Variants in CYP11A1 observed in about 807,000 individuals in gnomAD.
The protein encoded by CYP11A1 is cytochrome P450 family 11 subfamily A member 1, also known as cholesterol side-chain cleavage enzyme, mitochondrial.
Under a neutral mutation model 51.9 loss-of-function variants are expected in CYP11A1, and 25 were observed. That is an observed-to-expected ratio of 0.48 (90% CI 0.35 to 0.67). The LOEUF (loss-of-function observed/expected upper bound fraction) is 0.67, where lower values mean the gene tolerates loss of function less well. Among genes scored for constraint, CYP11A1 ranks in the 30% least tolerant of loss-of-function variants. The pLI, the probability that CYP11A1 is intolerant of heterozygous loss-of-function variation, is 0.00. For synonymous variants in CYP11A1, 245 were observed against 262.1 expected (o/e 0.93, Z 0.63); for missense variants, 578 against 680.9 (o/e 0.85, Z 1.68).
intron 1 of CYP11A1, chr15:74,354,325 C>T (rs986574997): frequency 6.6e-6 from 1 of 152,198 alleles, no homozygotes; most frequent in African/African-American, 2.4e-5. Context: ...AGCTCCCCCA[C>T]TGAGCACCTT....
intron 1 of CYP11A1, among the ~76,000 whole-genome samples, chr15:74,353,180 A>G (rs935208606): frequency 6.6e-6 from 1 of 152,238 alleles, no homozygotes; most frequent in Non-Finnish European, 1.5e-5. Flanking sequence ...AAGTTATCTA[A>G]AAGTTAGTTC....
chr15:74,339,589 T>G lies in CYP11A1; in HGVS notation c.1155A>C (p.Leu385=). Reference sequence around the variant, plus strand: ...GGCATGGGTGGTTGTGGGCTTGCCTTAGTGTCTCCTTGATGCTGGCTTTGA... The same window carrying G: ...GGCATGGGTGGTTGTGGGCTTGCCTGAGTGTCTCCTTGATGCTGGCTTTGA... ...PLLKASIKET[L]RLHPISVTLQ... Residue 385 remains leucine, a splice_region_variant and synonymous_variant, in exon 6 of 9, where the codon CTA becomes CTC. Coordinates refer to ENST00000268053, the MANE Select transcript of CYP11A1 (RefSeq NM_000781.3). The G allele has an allele frequency of 6.2e-7, 1 of 1,613,902 alleles. No homozygotes were observed.
chr15:74,359,279 C>G (rs2060695987), intron 1 of CYP11A1, among the ~76,000 whole-genome samples: 1 of 152,146 alleles, frequency 6.6e-6, no homozygotes. Context: ...TGAAGCAGCC[C>G]TGAGAAACAT....
chr15:74,362,239 T>G lies in CYP11A1; in HGVS notation c.269+5078A>C, dbSNP rs2060712122. The G allele has an allele frequency of 3.1e-5, 12 of 383,142 alleles. No homozygotes were observed. In the South Asian group the frequency reaches 5.0e-4, roughly 16 times the overall value. The allele number at this position is 383,142 out of a possible 1,614,324, so 23.7% of individuals were successfully genotyped here. On this transcript the variant is annotated intron_variant, in intron 1 of 8. Coordinates refer to ENST00000268053, the MANE Select transcript of CYP11A1 (RefSeq NM_000781.3). ...ATAAAAACTAAATAACAACAAAAAATTGTTTATAACCAATGCTTGATCCCA... is the reference window on the plus strand; with the variant it reads ...ATAAAAACTAAATAACAACAAAAAAGTGTTTATAACCAATGCTTGATCCCA...
rs201855407 is a variant in CYP11A1, at chr15:74,338,009, G to A, written c.1529C>T (p.Thr510Ile). ...ILMPEKPISFTFWPFNQEATQ... is the reference protein window; with the variant it reads ...ILMPEKPISFIFWPFNQEATQ... ...TGCTTCCTGGTTAAAGGGCCAGAAG[G>A]TGAAGGAGATGGGCTTTTCAGGCAT... Residue 510 changes from threonine (T) to isoleucine (I), a missense_variant, in exon 9 of 9, where the codon ACC becomes ATC. Transcript: ENST00000268053. The A allele has an allele frequency of 8.1e-6, 13 of 1,614,216 alleles. No individual in the cohort carries two copies. The highest frequency in any genetic ancestry group is 1.0e-5 in the Non-Finnish European group (12 of 1,180,038).
chr15:74,356,801 A>G (rs1376918451), intron 1 of CYP11A1, among the ~76,000 whole-genome samples: 1 of 150,642 alleles, frequency 6.6e-6, no homozygotes, highest in African/African-American at 2.4e-5. Flanking sequence ...CTCCCCTTGT[A>G]TCTCCCCACC....
At chr15:74,366,936 G>A (rs1428821434) in intron 1 of CYP11A1, 5 of 241,644 alleles carry the variant, frequency 2.1e-5, no homozygotes, top group Non-Finnish European at 4.1e-5. Flanking sequence ...GGATGGTCTC[G>A]AACTCTTGAT....
chr15:74,342,125 T>C (rs1442833432), intron 5 of CYP11A1, among the ~76,000 whole-genome samples: 1 of 152,180 alleles, frequency 6.6e-6, no homozygotes, highest in Non-Finnish European at 1.5e-5. Context: ...CACTACCACC[T>C]GAGCTGGAGT....
intron 5 of CYP11A1, among the ~76,000 whole-genome samples, chr15:74,339,958 A>AGGGGCC (rs1214135009): frequency 6.6e-6 from 1 of 152,250 alleles, no homozygotes; most frequent in Non-Finnish European, 1.5e-5. Context: ...CTTGCCGGCC[A>AGGGGCC]GGCAGGAACA....
At position 74,343,040 on chromosome 15, in the gene CYP11A1, G is replaced by A. The variant is rs375122406; in HGVS notation, c.927C>T (p.Ser309=). The change falls in exon 5 of 9, where the codon AGC becomes AGT. Residue 309 remains serine (S), a synonymous_variant. Coordinates refer to ENST00000268053, the MANE Select transcript of CYP11A1 (RefSeq NM_000781.3). ...RGILYRLLGD[S]KMSFEDIKAN... ...CCTTGATGTCCTCGAAGGACATCTT[G>A]CTGTCTCCCAGGAGTCTGTAGAGGA... 1 of 1,613,460 alleles carries A rather than the reference G, an allele frequency of 6.2e-7. No homozygotes were observed. The highest frequency in any genetic ancestry group is 2.2e-5 in the East Asian group (1 of 44,878).
Position 74,338,017 on chromosome 15 carries a change from G to A in CYP11A1, c.1521C>T (p.Ile507=). The A allele has an allele frequency of 6.2e-7, 1 of 1,614,202 alleles. No homozygotes were observed. The highest frequency in any genetic ancestry group is 8.5e-7 in the Non-Finnish European group (1 of 1,180,034). ...GGTTAAAGGGCCAGAAGGTGAAGGA[G>A]ATGGGCTTTTCAGGCATCAGAATGA... ...FNLILMPEKP[I]SFTFWPFNQE... The change falls in exon 9 of 9, where the codon ATC becomes ATT. Residue 507 remains isoleucine (I), a synonymous_variant. Transcript: ENST00000268053.
At chr15:74,351,021 A>C (rs550968040) in intron 1 of CYP11A1, 3 of 152,274 alleles carry the variant, frequency 2.0e-5, no homozygotes, top group Admixed American at 2.0e-4. Flanking sequence ...TTTCTGTTCC[A>C]ACTTGGGACC....
chr15:74,353,787 CATG>C (rs2060665787), intron 1 of CYP11A1, among the ~76,000 whole-genome samples: 1 of 152,098 alleles, frequency 6.6e-6, no homozygotes, highest in South Asian at 2.1e-4. Flanking sequence ...ATATAAAAAC[CATG>C]ATTTTTCTTA....
Position 74,367,268 on chromosome 15 carries a change from G to T in CYP11A1, c.269+49C>A, listed in dbSNP as rs28681535. On this transcript the variant is annotated intron_variant, in intron 1 of 8. Coordinates refer to ENST00000268053, the MANE Select transcript of CYP11A1 (RefSeq NM_000781.3). ...TGGGGACTACAGCAGGGCTACCCAG[G>T]CCCCTCCTCCTCCCTGTCCCTTCGG... 0.2 allele frequency: 318,821 copies of T among 1,610,646 alleles called. 39,696 individuals carry two copies. Among genetic ancestry groups the T allele is most frequent in the African/African-American group, 0.52 (39,090 of 74,736 alleles).
intron 8 of CYP11A1, 148 bp downstream of exon 8, chr15:74,338,423 G>T: frequency 1.2e-6 from 1 of 848,698 alleles, no homozygotes; most frequent in Non-Finnish European, 2.0e-6. Context: ...AGAGAACTGT[G>T]GGAGAGAGCG....
chr15:74,342,250 T>G (rs1298454559), intron 5 of CYP11A1, among the ~76,000 whole-genome samples: 3 of 152,118 alleles, frequency 2.0e-5, no homozygotes, highest in Non-Finnish European at 4.4e-5. Flanking sequence ...GCCCAGCTAA[T>G]TTTTTGTATT....
intron 1 of CYP11A1, among the ~76,000 whole-genome samples, chr15:74,355,707 G>A (rs2060676285): frequency 6.6e-6 from 1 of 152,122 alleles, no homozygotes; most frequent in South Asian, 2.1e-4. Context: ...TCCCCCATCT[G>A]CCCAGTAATT....
Position 74,345,164 on chromosome 15 carries a change from G to A in CYP11A1, c.505C>T (p.Pro169Ser), listed in dbSNP as rs769365856. 3.4e-5 allele frequency: 55 copies of A among 1,614,194 alleles called. No individual in the cohort carries two copies. Among genetic ancestry groups the A allele is most frequent in the South Asian group, 4.4e-5 (4 of 91,064 alleles). Reference sequence around the variant, plus strand: ...TCCCGAGACACTGCATCCAACAGGGGCAAAAAGTTCTTGGTGGCCTCTGGA... The same window carrying A: ...TCCCGAGACACTGCATCCAACAGGGACAAAAAGTTCTTGGTGGCCTCTGGA... Reference protein sequence around the residue: ...MAPEATKNFLPLLDAVSRDFV... With the variant: ...MAPEATKNFLSLLDAVSRDFV... Residue 169 changes from proline (P) to serine (S), a missense_variant, in exon 3 of 9, where the codon CCC becomes TCC. Coordinates refer to ENST00000268053, the MANE Select transcript of CYP11A1 (RefSeq NM_000781.3). This position sits in a 1 kb window ranked among gnomAD's most constrained non-coding sequence, Gnocchi z 4.3.
chr15:74,337,974 A>T lies in CYP11A1; in HGVS notation c.1564T>A (p.Ter522ArgextTer68), dbSNP rs779413653. ...WPFNQEATQQ[*>R] ...TGGCTGCAGGCCATCCTCTCTGATC[A>T]CTGCTGGGTTGCTTCCTGGTTAAAG... Residue 522 changes from the stop codon to arginine (R), a stop_lost, in exon 9 of 9, where the codon TGA becomes AGA. Coordinates refer to ENST00000268053, the MANE Select transcript of CYP11A1 (RefSeq NM_000781.3). The T allele has an allele frequency of 2.1e-5, 34 of 1,613,784 alleles. No homozygotes were observed. The highest frequency in any genetic ancestry group is 2.9e-5 in the Non-Finnish European group (34 of 1,180,022).
Sources: gnomAD v4.1 joint callset for allele counts (sites outside exome capture counted in the v4.1 genomes callset) on GRCh38, gnomAD v4.1.1 for gene constraint, Gnocchi (gnomAD v3.1) non-coding constraint, MANE v1.5 for transcripts, NCBI Gene and HGNC (gene_info 2026-07-23, HGNC 2026-07-21) for gene names.